TPRG1: variants seen among roughly 807,000 people sequenced by gnomAD.
TPRG1 encodes the protein tumor protein p63-regulated gene 1 protein.
Under a neutral mutation model 29.3 loss-of-function variants are expected in TPRG1, and 29 were observed. The ratio of observed to expected loss-of-function variants is 0.99; its 90% confidence interval spans 0.74 to 1.35. The LOEUF is 1.35. Among genes scored for constraint, TPRG1 ranks in the 40% most tolerant of loss-of-function variants. The pLI is 0.00. For missense variants in TPRG1, 327 were observed against 335.0 expected (o/e 0.98, Z 0.19); for synonymous variants, 130 against 116.8 (o/e 1.11, Z -0.73).
At chr3:189,209,070 G>A (rs1734858361) in intron 2 of TPRG1, among the ~76,000 whole-genome samples, 2 of 152,192 alleles carry the variant, frequency 1.3e-5, no homozygotes. Context: ...TGGAACCTAT[G>A]TCTGTCTCCC....
At chr3:189,028,715 T>C (rs1713788137) in intron 4 of TPRG1, among the ~76,000 whole-genome samples, 1 of 152,180 alleles carries the variant, frequency 6.6e-6, no homozygotes. Context: ...GGTAAGATGT[T>C]GAGCACACTG....
At chr3:189,084,112 T>C (rs1578315143) in intron 4 of TPRG1, among the ~76,000 whole-genome samples, 1 of 151,766 alleles carries the variant, frequency 6.6e-6, no homozygotes, top group Non-Finnish European at 1.5e-5. Flanking sequence ...GATTGCACTG[T>C]TGCACTCCAG....
intron 1 of TPRG1, among the ~76,000 whole-genome samples, chr3:189,199,036 G>A (rs1733023045): frequency 6.6e-6 from 1 of 152,156 alleles, no homozygotes; most frequent in Non-Finnish European, 1.5e-5. Context: ...TACAAGAATA[G>A]TTACTGAGGT....
chr3:189,185,026 G>A (rs959486064), intron 1 of TPRG1, among the ~76,000 whole-genome samples: 1 of 152,144 alleles, frequency 6.6e-6, no homozygotes, highest in Non-Finnish European at 1.5e-5. Flanking sequence ...CTGTTAAGGA[G>A]GTAGGAATGA....
At chr3:189,223,384 G>A (rs981608570) in intron 3 of TPRG1, among the ~76,000 whole-genome samples, 2 of 152,176 alleles carry the variant, frequency 1.3e-5, no homozygotes, top group Admixed American at 6.5e-5. Flanking sequence ...GCAGGACTCT[G>A]GCAGCAACAA....
intron 5 of TPRG1, among the ~76,000 whole-genome samples, chr3:189,314,472 A>G (rs995069540): frequency 2.0e-5 from 3 of 152,338 alleles, no homozygotes; most frequent in South Asian, 4.1e-4. Context: ...ATACAATGCT[A>G]TGTCAAAATA....
chr3:189,297,026 G>A (rs1160929878), intron 4 of TPRG1, among the ~76,000 whole-genome samples: 2 of 151,656 alleles, frequency 1.3e-5, no homozygotes, highest in Non-Finnish European at 2.9e-5. Flanking sequence ...CATAACCCAG[G>A]CAGAAGTACA....
At chr3:189,008,866 A>G (rs1477130171) in intron 3 of TPRG1, among the ~76,000 whole-genome samples, 1 of 152,150 alleles carries the variant, frequency 6.6e-6, no homozygotes, top group Non-Finnish European at 1.5e-5. Context: ...TCTCTGTTTG[A>G]ATAGAGTTTT....
At chr3:189,085,333 T>C (rs1717858782) in intron 4 of TPRG1, among the ~76,000 whole-genome samples, 1 of 152,188 alleles carries the variant, frequency 6.6e-6, no homozygotes, top group Non-Finnish European at 1.5e-5. Flanking sequence ...CTCATAGTAT[T>C]TGCAAGACAT....
chr3:189,109,640 A>T (rs1008736863), intron 1 of TPRG1, among the ~76,000 whole-genome samples: 1 of 152,236 alleles, frequency 6.6e-6, no homozygotes, highest in East Asian at 1.9e-4. Context: ...GTTTACTGAG[A>T]GGCACACTTG....
At chr3:189,060,551 A>G (rs1350962694) in intron 4 of TPRG1, among the ~76,000 whole-genome samples, 3 of 152,162 alleles carry the variant, frequency 2.0e-5, no homozygotes, top group Non-Finnish European at 2.9e-5. Context: ...ACCCCATAGT[A>G]TTGGTTCAAA....
At chr3:189,298,627 C>T (rs1720331866) in intron 4 of TPRG1, among the ~76,000 whole-genome samples, 1 of 152,092 alleles carries the variant, frequency 6.6e-6, no homozygotes, top group South Asian at 2.1e-4. Context: ...CTCACTTTGG[C>T]AGGGAAGGGG....
At chr3:189,015,428 A>G (rs1288111757) in intron 3 of TPRG1, among the ~76,000 whole-genome samples, 1 of 152,220 alleles carries the variant, frequency 6.6e-6, no homozygotes, top group Non-Finnish European at 1.5e-5. Context: ...ACTATATGGT[A>G]GAGAAGAAAA....
Position 189,075,488 on chromosome 3 carries a change from T to C in TPRG1, c.-463+51542T>C, listed in dbSNP as rs1717109479. 3.9e-5 allele frequency among the ~76,000 whole-genome samples: 6 copies of C among 152,168 alleles called. No individual in the cohort carries two copies. The South Asian group carries it at 1.2e-3, about 32-fold the overall frequency. The stretch of plus-strand genomic sequence containing the variant: ...TTGTCTTTCCTCACTCTAGACTTCT[T>C]TATGAGTTTTAGAATTTGAGTAGAT... On this transcript the variant is annotated intron_variant, in intron 4 of 10. Coordinates refer to the TPRG1 transcript ENST00000433971.
At chr3:189,066,056 A>C (rs1388866022) in intron 4 of TPRG1, among the ~76,000 whole-genome samples, 1 of 152,208 alleles carries the variant, frequency 6.6e-6, no homozygotes, top group Non-Finnish European at 1.5e-5. Context: ...CTATATGCCA[A>C]TAAATTGGAA....
intron 4 of TPRG1, among the ~76,000 whole-genome samples, chr3:189,031,635 C>T (rs1266184122): frequency 1.3e-5 from 2 of 152,160 alleles, no homozygotes; most frequent in Non-Finnish European, 2.9e-5. Flanking sequence ...ATATCACATT[C>T]CAAGCACTGT....
rs144561097 is a variant in TPRG1, at chr3:189,161,023, G to A, written c.-10+10151G>A. ...TGCCCTGTGGCATGGCCTGGACACAGAACTTCATTGTATTCCTTCCTTGTG... is the reference window on the plus strand; with the variant it reads ...TGCCCTGTGGCATGGCCTGGACACAAAACTTCATTGTATTCCTTCCTTGTG... On this transcript the variant is annotated intron_variant, in intron 5 of 6. Transcript: ENST00000412373. Among the ~76,000 whole-genome samples, 5 of 152,334 alleles carry A rather than the reference G, an allele frequency of 3.3e-5. No homozygotes were observed. In the East Asian group the frequency reaches 9.6e-4, roughly 29 times the overall value.
At chr3:189,048,393 C>T (rs1715102788) in intron 4 of TPRG1, among the ~76,000 whole-genome samples, 1 of 152,136 alleles carries the variant, frequency 6.6e-6, no homozygotes, top group Admixed American at 6.5e-5. Context: ...TTAAAGAGCA[C>T]AGTCTGAGTA....
At position 189,302,141 on chromosome 3, in the gene TPRG1, T is replaced by G. The variant is rs147732094; in HGVS notation, c.480-8245T>G. Reference sequence around the variant, plus strand: ...CTATTTTCTCATCAAAAGCCTTATATCCATCAAACCCCAGCTAAAAGGCCC... The same window carrying G: ...CTATTTTCTCATCAAAAGCCTTATAGCCATCAAACCCCAGCTAAAAGGCCC... On this transcript the variant is annotated intron_variant, in intron 4 of 5. Coordinates refer to ENST00000345063, the MANE Select transcript of TPRG1 (RefSeq NM_198485.4). Among the ~76,000 whole-genome samples, 604 of 152,330 alleles carry G rather than the reference T, an allele frequency of 4.0e-3. 3 individuals carry two copies. The highest frequency in any genetic ancestry group is 0.014 in the African/African-American group (580 of 41,580).
Sources: allele counts gnomAD v4.1 joint callset (sites outside exome capture counted in the v4.1 genomes callset), GRCh38; gene constraint gnomAD v4.1.1; transcripts MANE v1.5; gene names NCBI Gene and HGNC (gene_info 2026-07-23, HGNC 2026-07-21).